COMMD10: variants seen among roughly 807,000 people sequenced by gnomAD.
COMMD10 encodes COMM domain-containing protein 10.
In COMMD10, 33 loss-of-function variants were observed where a neutral mutation model predicts 28.9. The ratio of observed to expected loss-of-function variants is 1.14; its 90% CI spans 0.87 to 1.53. The LOEUF (loss-of-function observed/expected upper bound fraction) is 1.53, where lower values mean the gene tolerates loss of function less well. Ranked by LOEUF, COMMD10 falls within the 40% of genes most tolerant of loss-of-function variation. The probability of loss-of-function intolerance (pLI) is 0.00; values close to 1 mark genes in which losing one functional copy is unlikely to be tolerated. For missense variants in COMMD10, 310 were observed against 233.4 expected, an observed-to-expected ratio of 1.33 and a Z score of -2.14; for synonymous variants, 110 against 81.7, an observed-to-expected ratio of 1.35 and a Z score of -1.87.
In COMMD10 at chr5:116,090,947, A is replaced by T. The variant is rs986128772; in HGVS notation, c.133-132A>T. The T allele has an allele frequency of 5.4e-6, 3 of 556,990 alleles. No individual in the cohort carries two copies. In the African/African-American group the frequency reaches 5.8e-5, roughly 11 times the overall value. 34.5% of individuals were successfully genotyped at this position (556,990 alleles called of 1,614,324 possible). A position where few individuals can be genotyped will look rare whatever the true frequency, so the allele number is the denominator to read the frequency against. On this transcript the variant is annotated intron_variant, in intron 2 of 6. Transcript: ENST00000274458. ...ATATGTTTTATAAATTTACATGCAC[A>T]TCAGTTTCTTTTCACCATGTATTTT...
At chr5:116,135,652 C>A (rs1026985963) in intron 5 of COMMD10, among the ~76,000 whole-genome samples, 1 of 152,116 alleles carries the variant, frequency 6.6e-6, no homozygotes, top group Non-Finnish European at 1.5e-5. Context: ...CTTTATTACA[C>A]TATGTTGTTG....
At chr5:116,159,566 G>T (rs188240552) in intron 5 of COMMD10, among the ~76,000 whole-genome samples, 4 of 152,194 alleles carry the variant, frequency 2.6e-5, no homozygotes, top group East Asian at 3.8e-4. Context: ...AGTCAGTGAT[G>T]TGAGAGAAAA....
chr5:116,266,283 A>G (rs1027630926), intron 5 of COMMD10, among the ~76,000 whole-genome samples: 2 of 151,784 alleles, frequency 1.3e-5, no homozygotes, highest in Non-Finnish European at 2.9e-5. Flanking sequence ...TTAGAAATTT[A>G]TATAATTTTT....
intron 5 of COMMD10, among the ~76,000 whole-genome samples, chr5:116,275,907 A>C (rs1225427241): frequency 6.6e-6 from 1 of 151,462 alleles, no homozygotes; most frequent in Non-Finnish European, 1.5e-5. Flanking sequence ...ATTCTTATTT[A>C]ATCCTGGCTC....
At chr5:116,100,233 A>G (rs1430924023) in intron 4 of COMMD10, among the ~76,000 whole-genome samples, 4 of 152,056 alleles carry the variant, frequency 2.6e-5, no homozygotes, top group Admixed American at 2.0e-4. Flanking sequence ...GTTTTCTCAC[A>G]TTCTATAGGT....
At chr5:116,203,138 T>C (rs1194719015) in intron 5 of COMMD10, among the ~76,000 whole-genome samples, 3 of 152,076 alleles carry the variant, frequency 2.0e-5, no homozygotes, top group South Asian at 4.1e-4. Flanking sequence ...ATTTATTAAA[T>C]AGGGAATCCT....
intron 5 of COMMD10, among the ~76,000 whole-genome samples, chr5:116,162,328 G>C (rs1202476809): frequency 1.3e-5 from 2 of 151,938 alleles, no homozygotes; most frequent in African/African-American, 4.8e-5. Flanking sequence ...AAAATTACAA[G>C]CATGCACCTT....
intron 5 of COMMD10, among the ~76,000 whole-genome samples, chr5:116,175,814 A>G (rs1273673040): frequency 6.6e-6 from 1 of 152,148 alleles, no homozygotes; most frequent in Non-Finnish European, 1.5e-5. Flanking sequence ...TGAGGTACAT[A>G]GAGCGGTCAA....
At chr5:116,215,104 A>G (rs1749062509) in intron 5 of COMMD10, among the ~76,000 whole-genome samples, 1 of 152,010 alleles carries the variant, frequency 6.6e-6, no homozygotes, top group Non-Finnish European at 1.5e-5. Flanking sequence ...TTCTTTTGAG[A>G]GAAAATATAT....
chr5:116,190,163 G>A (rs998556369), intron 5 of COMMD10, among the ~76,000 whole-genome samples: 9 of 152,150 alleles, frequency 5.9e-5, no homozygotes. Flanking sequence ...ATGGAGCTGA[G>A]AAGACCAAAA....
At chr5:116,189,659 T>C (rs1237025060) in intron 5 of COMMD10, among the ~76,000 whole-genome samples, 4 of 152,194 alleles carry the variant, frequency 2.6e-5, no homozygotes, top group South Asian at 2.1e-4. Flanking sequence ...TTATGATTAA[T>C]TTTTTATAGC....
intron 4 of COMMD10, among the ~76,000 whole-genome samples, chr5:116,131,395 G>GTGTGTA (rs1356059667): frequency 2.0e-5 from 3 of 151,990 alleles, no homozygotes; most frequent in African/African-American, 7.2e-5. Flanking sequence ...ATGTGTGTGT[G>GTGTGTA]TGTGTATGTG....
intron 5 of COMMD10, among the ~76,000 whole-genome samples, chr5:116,159,492 T>G (rs993519616): frequency 3.9e-5 from 6 of 152,154 alleles, no homozygotes; most frequent in Non-Finnish European, 8.8e-5. Context: ...TGTCACTCTT[T>G]ATCCAAGTTC....
intron 5 of COMMD10, among the ~76,000 whole-genome samples, chr5:116,166,878 T>G (rs1753115939): frequency 6.6e-6 from 1 of 151,804 alleles, no homozygotes; most frequent in Admixed American, 6.6e-5. Flanking sequence ...GATAAATCCA[T>G]GAAGATGAGG....
chr5:116,146,182 T>G (rs59447269), intron 5 of COMMD10, among the ~76,000 whole-genome samples: 46,363 of 151,714 alleles, frequency 0.31, 9,597 homozygotes, highest in African/African-American at 0.59. Flanking sequence ...CTGCATCACC[T>G]TGGAAACAAG....
At position 116,175,736 on chromosome 5, in the gene COMMD10, C is replaced by G. The variant is rs1168865178; in HGVS notation, c.510+41558C>G. Among the ~76,000 whole-genome samples, 3 of 152,106 alleles carry G rather than the reference C, an allele frequency of 2.0e-5. No individual in the cohort carries two copies. In the East Asian group the frequency reaches 5.8e-4, roughly 29 times the overall value. On this transcript the variant is annotated intron_variant, in intron 5 of 6. Transcript: ENST00000274458. ...GCCATACGTTGCAACATGGATGAAACTTGAAGACATTCAGCTAAGTAAAAT... is the reference window on the plus strand; with the variant it reads ...GCCATACGTTGCAACATGGATGAAAGTTGAAGACATTCAGCTAAGTAAAAT...
chr5:116,109,464 C>T (rs1343570578), intron 4 of COMMD10, among the ~76,000 whole-genome samples: 3 of 152,024 alleles, frequency 2.0e-5, no homozygotes, highest in Admixed American at 6.5e-5. Context: ...CGTGCTGGTG[C>T]GTGCCTGTAA....
chr5:116,249,834 T>C (rs531491261), intron 5 of COMMD10, among the ~76,000 whole-genome samples: 1 of 151,992 alleles, frequency 6.6e-6, no homozygotes, highest in African/African-American at 2.4e-5. Context: ...AGAGATTAGG[T>C]CCACATCTGA....
At chr5:116,171,269 C>T (rs1225137494) in intron 5 of COMMD10, among the ~76,000 whole-genome samples, 1 of 152,166 alleles carries the variant, frequency 6.6e-6, no homozygotes, top group Admixed American at 6.5e-5. Context: ...AAATCAACAT[C>T]ACAATGAGAT....
Sources: gnomAD v4.1 joint callset for allele counts (sites outside exome capture counted in the v4.1 genomes callset) on GRCh38, gnomAD v4.1.1 for gene constraint, MANE v1.5 for transcripts, NCBI Gene and HGNC (gene_info 2026-07-23, HGNC 2026-07-21) for gene names.